SSH2: variants seen among roughly 807,000 people sequenced by gnomAD.
SSH2 encodes the protein slingshot protein phosphatase 2, also known as protein phosphatase Slingshot homolog 2.
In SSH2, 37 loss-of-function variants were observed where a neutral mutation model predicts 135.2. The observed-to-expected ratio is 0.27, with a 90% confidence interval of 0.21 to 0.36. The LOEUF (loss-of-function observed/expected upper bound fraction) is 0.36. SSH2 is among the 10% of genes least tolerant of loss of function. SSH2 has a pLI of 1.00. For missense variants in SSH2, 1,408 were observed against 1,765.3 expected (o/e 0.80, Z 3.63); for synonymous variants, 628 against 646.2 (o/e 0.97, Z 0.43).
chr17:29,811,220 T>C (rs1387964758), intron 2 of SSH2, among the ~76,000 whole-genome samples: 1 of 152,130 alleles, frequency 6.6e-6, no homozygotes, highest in Admixed American at 6.5e-5. Context: ...GGTGTTGAAC[T>C]CCTGGCCTCA....
intron 2 of SSH2, among the ~76,000 whole-genome samples, chr17:29,819,165 G>C (rs916278035): frequency 2.0e-5 from 3 of 152,036 alleles, no homozygotes; most frequent in African/African-American, 7.3e-5. Context: ...GGTGGAGGTT[G>C]TGGTGAGCCA....
chr17:29,634,775 T>A (rs190302077), intron 15 of SSH2, among the ~76,000 whole-genome samples: 1 of 151,840 alleles, frequency 6.6e-6, no homozygotes, highest in Admixed American at 6.6e-5. Flanking sequence ...ATGGTCTTGA[T>A]CTCTTGACCT....
chr17:29,790,576 T>C (rs2042046231), intron 3 of SSH2, among the ~76,000 whole-genome samples: 1 of 152,208 alleles, frequency 6.6e-6, no homozygotes, highest in Admixed American at 6.5e-5. Flanking sequence ...AAATATTTTC[T>C]TCTGTTCCAT....
intron 1 of SSH2, among the ~76,000 whole-genome samples, chr17:29,898,125 A>G (rs533461818): frequency 5.3e-5 from 8 of 152,320 alleles, no homozygotes; most frequent in African/African-American, 1.9e-4. Context: ...ACATATTTAA[A>G]GCAGTGTGTA....
intron 2 of SSH2, among the ~76,000 whole-genome samples, chr17:29,802,049 G>C (rs1324081669): frequency 6.6e-6 from 1 of 152,004 alleles, no homozygotes; most frequent in African/African-American, 2.4e-5. Context: ...TTTTTTGAAA[G>C]ATGAGGTCTC....
chr17:29,840,671 T>TCTGC (rs1255080499), intron 2 of SSH2, among the ~76,000 whole-genome samples: 7 of 152,196 alleles, frequency 4.6e-5, no homozygotes, highest in African/African-American at 1.4e-4. Flanking sequence ...CTTCATTATG[T>TCTGC]CTGCAGACAA....
intron 2 of SSH2, among the ~76,000 whole-genome samples, chr17:29,802,618 C>CAAAAA (rs74267073): frequency 0.016 from 764 of 46,942 alleles, no homozygotes; most frequent in Middle Eastern, 0.057. Flanking sequence ...ACTGTTTCTA[C>CAAAAA]AAAAAAAAAA....
intron 4 of SSH2, among the ~76,000 whole-genome samples, chr17:29,702,235 C>T (rs2151122577): frequency 6.6e-6 from 1 of 152,156 alleles, no homozygotes; most frequent in South Asian, 2.1e-4. Context: ...TGCCTGTAGT[C>T]CCAGCTACTT....
At chr17:29,653,342 A>G (rs1453486244) in intron 12 of SSH2, among the ~76,000 whole-genome samples, 1 of 152,256 alleles carries the variant, frequency 6.6e-6, no homozygotes, top group African/African-American at 2.4e-5. Flanking sequence ...AATTTAAGAA[A>G]CAAGATCTAA....
intron 13 of SSH2, among the ~76,000 whole-genome samples, chr17:29,650,061 T>C (rs1032825524): frequency 6.6e-6 from 1 of 152,164 alleles, no homozygotes; most frequent in Admixed American, 6.5e-5. Flanking sequence ...TAAATAGGAT[T>C]GGCAAGGAAA....
chr17:29,853,945 A>C (rs939427283), intron 1 of SSH2, among the ~76,000 whole-genome samples: 5 of 144,204 alleles, frequency 3.5e-5, no homozygotes. Flanking sequence ...TGTCTCTACC[A>C]AAAAAAAAAG....
chr17:29,849,856 GTATATATATA>G (rs59297985), intron 1 of SSH2, among the ~76,000 whole-genome samples: 1 of 118,130 alleles, frequency 8.5e-6, no homozygotes, highest in Non-Finnish European at 1.7e-5. Flanking sequence ...AAAAAAAAAA[GTATATATATA>G]TATATATATA....
rs961457710 is a variant in SSH2 at position 29,626,983 on chromosome 17, G to A, written c.*3858C>T. 9 of 152,182 alleles carry A rather than the reference G, an allele frequency of 5.9e-5. No homozygotes were observed. The highest frequency in any genetic ancestry group is 1.9e-4 in the African/African-American group (8 of 41,418). 9.4% of individuals were successfully genotyped at this position (152,182 alleles called of 1,614,324 possible). A position where few individuals can be genotyped will look rare whatever the true frequency, so the allele number is the denominator to read the frequency against. On this transcript the variant is annotated 3_prime_UTR_variant, in exon 16 of 16. Transcript: ENST00000540801. Reference sequence around the variant, plus strand: ...CACTATAAGACACACCATCACTGAGGAAATGACAACTATTTCCATAGAGAG... The same window carrying A: ...CACTATAAGACACACCATCACTGAGAAAATGACAACTATTTCCATAGAGAG...
At position 29,632,383 on chromosome 17, in the gene SSH2, T is replaced by C. The variant is rs773769850; in HGVS notation, c.2811A>G (p.Pro937=). 6.2e-7 allele frequency: 1 copy of C among 1,614,080 alleles called. No individual in the cohort carries two copies. Among genetic ancestry groups the C allele is most frequent in the Non-Finnish European group, 8.5e-7 (1 of 1,179,916 alleles). Residue 937 remains proline, a synonymous_variant, in exon 16 of 16, where the codon CCA becomes CCG. Transcript: ENST00000540801. ...KNDSSVADLA[P]KGKSDEAPPE... ...GGGGGGCTTCATCACTTTTCCCTTT[T>C]GGTGCTAGGTCTGCCACAGAAGAAT...
chr17:29,860,227 T>TA (rs1246511108), intron 1 of SSH2, among the ~76,000 whole-genome samples: 6 of 152,140 alleles, frequency 3.9e-5, no homozygotes, highest in African/African-American at 1.4e-4. Flanking sequence ...CCACTAACAG[T>TA]GTATAAGCAT....
intron 3 of SSH2, among the ~76,000 whole-genome samples, chr17:29,709,052 A>AGAGAGAGCGC (rs1491229455): frequency 9.9e-4 from 143 of 144,642 alleles, no homozygotes; most frequent in African/African-American, 2.2e-3. Context: ...AGAGAGAGAG[A>AGAGAGAGCGC]GCTAATAATA....
At chr17:29,825,163 A>T (rs2042723019) in intron 2 of SSH2, among the ~76,000 whole-genome samples, 1 of 152,216 alleles carries the variant, frequency 6.6e-6, no homozygotes, top group Non-Finnish European at 1.5e-5. Context: ...CTCAATCAAT[A>T]GTCCTGACAA....
At chr17:29,865,875 C>T (rs1397823615) in intron 1 of SSH2, among the ~76,000 whole-genome samples, 1 of 151,872 alleles carries the variant, frequency 6.6e-6, no homozygotes, top group Non-Finnish European at 1.5e-5. Flanking sequence ...CTGAGGCGGG[C>T]GGATTACCTG....
chr17:29,898,711 G>A (rs938726929), intron 1 of SSH2, among the ~76,000 whole-genome samples: 212 of 152,226 alleles, frequency 1.4e-3, no homozygotes, highest in Non-Finnish European at 2.2e-3. Context: ...ACAAGGAGGA[G>A]CTGGTACCAT....
Sources: gnomAD v4.1 joint callset for allele counts (sites outside exome capture counted in the v4.1 genomes callset) on GRCh38, gnomAD v4.1.1 for gene constraint, MANE v1.5 for transcripts, NCBI Gene and HGNC (gene_info 2026-07-23, HGNC 2026-07-21) for gene names.